Variants in ZNF385D observed in about 807,000 individuals in gnomAD.
ZNF385D encodes the protein zinc finger protein 385D.
A neutral mutation model predicts 35.8 loss-of-function variants in ZNF385D; 15 were observed. The ratio of observed to expected loss-of-function variants is 0.42; its 90% CI spans 0.28 to 0.64. ZNF385D has a LOEUF of 0.64. ZNF385D is among the 30% of genes least tolerant of loss of function. The probability of loss-of-function intolerance (pLI) is 0.23; values close to 1 mark genes in which losing one functional copy is unlikely to be tolerated. For missense variants in ZNF385D, 474 were observed against 494.6 expected (o/e 0.96, Z 0.39); for synonymous variants, 212 against 186.8 (o/e 1.13, Z -1.10).
At chr3:21,540,461 C>T (rs1322109865) in intron 3 of ZNF385D, among the ~76,000 whole-genome samples, 4 of 152,146 alleles carry the variant, frequency 2.6e-5, no homozygotes, top group Non-Finnish European at 5.9e-5. Context: ...AACTTCTACC[C>T]AGCTGTAATC....
intron 3 of ZNF385D, chr3:22,168,474 A>G (rs1706479151): frequency 6.6e-6 from 1 of 152,206 alleles, no homozygotes; most frequent in African/African-American, 2.4e-5. Flanking sequence ...GCAGGAATAA[A>G]AAAATAAAAA....
In ZNF385D at chr3:22,227,301, A is replaced by G. The variant is rs142827456; in HGVS notation, c.107-58266T>C. Among the ~76,000 whole-genome samples, 281 of 152,160 alleles carry G rather than the reference A, an allele frequency of 1.8e-3. 1 individual carries two copies. The highest frequency in any genetic ancestry group is 6.3e-3 in the African/African-American group (263 of 41,508). On this transcript the variant is annotated intron_variant, in intron 2 of 5. Coordinates refer to the ZNF385D transcript ENST00000494108. ...TTTAGACTCATAAGCAGGCCTCAGA[A>G]AACACAATTTTTATTTCTTCTGTCC...
intron 3 of ZNF385D, among the ~76,000 whole-genome samples, chr3:21,822,790 C>T (rs1022679042): frequency 6.6e-6 from 1 of 151,430 alleles, no homozygotes; most frequent in African/African-American, 2.4e-5. Context: ...AAATAAATCT[C>T]GAAAACAATG....
intron 2 of ZNF385D, among the ~76,000 whole-genome samples, chr3:22,203,607 G>A (rs1696952161): frequency 6.6e-6 from 1 of 152,084 alleles, no homozygotes; most frequent in Non-Finnish European, 1.5e-5. Flanking sequence ...CCCATCATGG[G>A]CCAGAGGGAA....
intron 2 of ZNF385D, among the ~76,000 whole-genome samples, chr3:22,205,588 G>C (rs1697094863): frequency 6.6e-6 from 1 of 151,864 alleles, no homozygotes; most frequent in African/African-American, 2.4e-5. Context: ...ATAACAAAAA[G>C]TTAAAAAGCA....
At chr3:21,624,088 C>A (rs1378821540) in intron 2 of ZNF385D, among the ~76,000 whole-genome samples, 1 of 152,038 alleles carries the variant, frequency 6.6e-6, no homozygotes, top group Non-Finnish European at 1.5e-5. Flanking sequence ...TTAAAATTAT[C>A]CAATTCAGCT....
At chr3:21,985,524 A>G (rs1303804482) in intron 3 of ZNF385D, among the ~76,000 whole-genome samples, 1 of 116,912 alleles carries the variant, frequency 8.6e-6, no homozygotes, top group Admixed American at 7.7e-5. Flanking sequence ...AGCCCACTTG[A>G]TCATGGTGGA....
chr3:21,763,573 C>T (rs2070709720), intron 3 of ZNF385D, among the ~76,000 whole-genome samples: 1 of 152,064 alleles, frequency 6.6e-6, no homozygotes, highest in African/African-American at 2.4e-5. Flanking sequence ...TTATATATTA[C>T]AGGCAATAAA....
At chr3:22,294,547 T>C (rs1221320637) in intron 2 of ZNF385D, among the ~76,000 whole-genome samples, 2 of 152,066 alleles carry the variant, frequency 1.3e-5, no homozygotes, top group Admixed American at 6.6e-5. Flanking sequence ...ACTGGCTAAA[T>C]GGATATATTG....
At chr3:22,129,438 G>A (rs1703643106) in intron 3 of ZNF385D, among the ~76,000 whole-genome samples, 1 of 152,172 alleles carries the variant, frequency 6.6e-6, no homozygotes, top group Admixed American at 6.5e-5. Flanking sequence ...CTGGCCCAAG[G>A]TGGGTCTAAA....
intron 2 of ZNF385D, among the ~76,000 whole-genome samples, chr3:22,215,007 G>T (rs1300154198): frequency 6.6e-6 from 1 of 151,840 alleles, no homozygotes. Context: ...GACATGTGAT[G>T]TCTCCCCCAG....
chr3:21,897,667 T>C (rs1382635682), intron 3 of ZNF385D, among the ~76,000 whole-genome samples: 1 of 152,026 alleles, frequency 6.6e-6, no homozygotes, highest in Non-Finnish European at 1.5e-5. Flanking sequence ...AACCATCTGG[T>C]GGATTGGATG....
intron 2 of ZNF385D, among the ~76,000 whole-genome samples, chr3:22,333,031 G>C (rs1238149271): frequency 5.3e-5 from 8 of 151,920 alleles, no homozygotes; most frequent in Admixed American, 5.3e-4. Flanking sequence ...CTTCATCAGA[G>C]AATGTCTTTA....
chr3:22,155,759 C>A (rs548735827), intron 3 of ZNF385D, among the ~76,000 whole-genome samples: 121 of 152,052 alleles, frequency 8.0e-4, no homozygotes, highest in Non-Finnish European at 1.5e-3. Context: ...TCTCCAAAAC[C>A]TTATATTGTC....
At chr3:22,318,832 G>A (rs1704042988) in intron 2 of ZNF385D, among the ~76,000 whole-genome samples, 1 of 152,128 alleles carries the variant, frequency 6.6e-6, no homozygotes, top group Non-Finnish European at 1.5e-5. Context: ...TAGCAGACTG[G>A]AAGTCATGAT....
intron 2 of ZNF385D, among the ~76,000 whole-genome samples, chr3:22,351,911 G>C (rs1291537030): frequency 1.3e-5 from 2 of 152,138 alleles, no homozygotes; most frequent in East Asian, 3.9e-4. Flanking sequence ...AACCTGAAGA[G>C]AGAGAAAAGA....
At chr3:21,422,396 A>G (rs1700783992) in intron 7 of ZNF385D, among the ~76,000 whole-genome samples, 1 of 152,186 alleles carries the variant, frequency 6.6e-6, no homozygotes, top group Admixed American at 6.5e-5. Flanking sequence ...GGGTACATAT[A>G]CAGGTTTGTT....
chr3:21,691,169 C>G (rs1559522489), intron 1 of ZNF385D, among the ~76,000 whole-genome samples: 1 of 152,124 alleles, frequency 6.6e-6, no homozygotes, highest in African/African-American at 2.4e-5. Flanking sequence ...GCTGTCTTGC[C>G]AATGCCATAC....
intron 3 of ZNF385D, among the ~76,000 whole-genome samples, chr3:21,914,314 A>G (rs553631410): frequency 6.6e-6 from 1 of 151,724 alleles, no homozygotes; most frequent in South Asian, 2.1e-4. Flanking sequence ...TTAGTAAGTA[A>G]ATTATCTTCA....
Sources: gnomAD v4.1 joint callset for allele counts (sites outside exome capture counted in the v4.1 genomes callset) on GRCh38, gnomAD v4.1.1 for gene constraint, MANE v1.5 for transcripts, NCBI Gene and HGNC (gene_info 2026-07-23, HGNC 2026-07-21) for gene names.